Variants in SERGEF observed in about 807,000 individuals in gnomAD.
SERGEF encodes the protein secretion regulating guanine nucleotide exchange factor.
A neutral mutation model predicts 50.0 loss-of-function variants in SERGEF; 51 were observed. That is an observed-to-expected ratio of 1.02 (90% confidence interval 0.81 to 1.29). The LOEUF (loss-of-function observed/expected upper bound fraction) is 1.29. SERGEF is among the 50% of genes most tolerant of loss of function. SERGEF has a pLI of 0.00. For missense variants in SERGEF, 521 were observed against 557.0 expected (o/e 0.94, Z 0.65); for synonymous variants, 205 against 212.4 (o/e 0.97, Z 0.30).
intron 6 of SERGEF, among the ~76,000 whole-genome samples, chr11:17,995,100 A>G (rs182896791): frequency 2.0e-5 from 3 of 152,156 alleles, no homozygotes; most frequent in Non-Finnish European, 4.4e-5. Context: ...GAGAGAGAGA[A>G]AGAAAGAGAG....
chr11:17,940,736 GCTTGATGAT>G (rs1448160387), intron 9 of SERGEF, among the ~76,000 whole-genome samples: 12 of 152,084 alleles, frequency 7.9e-5, no homozygotes. Flanking sequence ...ACCATGACCG[GCTTGATGAT>G]CAGTCTTACG....
chr11:17,790,516 T>C (rs1249850994), intron 10 of SERGEF, among the ~76,000 whole-genome samples: 1 of 152,206 alleles, frequency 6.6e-6, no homozygotes, highest in Non-Finnish European at 1.5e-5. Context: ...TTTAATAATA[T>C]CATTGTTGCT....
chr11:17,832,300 C>G (rs532179549), intron 10 of SERGEF, among the ~76,000 whole-genome samples: 1 of 152,302 alleles, frequency 6.6e-6, no homozygotes, highest in South Asian at 2.1e-4. Context: ...GAGGCATTCC[C>G]CTGCACAAGC....
chr11:17,923,368 G>A (rs923111758), intron 9 of SERGEF, among the ~76,000 whole-genome samples: 2 of 152,200 alleles, frequency 1.3e-5, no homozygotes, highest in Non-Finnish European at 2.9e-5. Context: ...GTGCCAGAGG[G>A]CCCAATCCTG....
chr11:17,931,336 T>C (rs115668332), intron 9 of SERGEF, among the ~76,000 whole-genome samples: 253 of 152,284 alleles, frequency 1.7e-3, no homozygotes, highest in African/African-American at 5.8e-3. Context: ...TAATGCCTAC[T>C]TCACAAACAT....
chr11:17,827,372 A>G (rs1218273136), intron 10 of SERGEF, among the ~76,000 whole-genome samples: 1 of 152,204 alleles, frequency 6.6e-6, no homozygotes, highest in Non-Finnish European at 1.5e-5. Context: ...AGCTCCAAAT[A>G]CAGAAAGAGC....
chr11:17,902,289 G>A (rs990336189), intron 9 of SERGEF, among the ~76,000 whole-genome samples: 4 of 152,142 alleles, frequency 2.6e-5, no homozygotes, highest in African/African-American at 9.7e-5. Context: ...TTCAAAAGTT[G>A]GGAGTCTATC....
chr11:17,894,970 T>C (rs1484443138), intron 9 of SERGEF, among the ~76,000 whole-genome samples: 1 of 152,206 alleles, frequency 6.6e-6, no homozygotes, highest in Non-Finnish European at 1.5e-5. Flanking sequence ...AGTGGGCCTG[T>C]AGTGTATGGG....
intron 9 of SERGEF, among the ~76,000 whole-genome samples, chr11:17,933,358 T>C (rs10832867): frequency 0.19 from 28,994 of 152,108 alleles, 3,558 homozygotes; most frequent in Non-Finnish European, 0.27. Context: ...TCTGTATTGA[T>C]TGATTAATGT....
Position 18,006,597 on chromosome 11 carries a change from G to A in SERGEF, c.346C>T (p.Leu116Phe), listed in dbSNP as rs754286400. 4 of 1,613,894 alleles carry A rather than the reference G, an allele frequency of 2.5e-6. No individual in the cohort carries two copies. The highest frequency in any genetic ancestry group is 1.1e-5 in the South Asian group (1 of 91,042). The change falls in exon 3 of 11, where the codon CTC becomes TTC. Residue 116 changes from leucine (L) to phenylalanine (F), a missense_variant. Coordinates refer to ENST00000265965, the MANE Select transcript of SERGEF (RefSeq NM_012139.4). ...VACGWDFTIM[L>F]TENGQVLSCG... ...TACCTAGGAGTGAACTCACCTGTGAGCATAATCGTAAAATCCCAGCCACAG... is the reference window on the plus strand; with the variant it reads ...TACCTAGGAGTGAACTCACCTGTGAACATAATCGTAAAATCCCAGCCACAG...
chr11:17,891,598 A>G (rs574597441), intron 9 of SERGEF, among the ~76,000 whole-genome samples: 10 of 152,356 alleles, frequency 6.6e-5, no homozygotes, highest in Admixed American at 2.0e-4. Flanking sequence ...ATTTGTAGGG[A>G]CGTGGTAGGT....
chr11:17,872,587 T>C (rs767145055), intron 10 of SERGEF, among the ~76,000 whole-genome samples: 4 of 152,196 alleles, frequency 2.6e-5, no homozygotes, highest in South Asian at 2.1e-4. Context: ...TTGAAGTACA[T>C]TGCAAAATTA....
chr11:17,815,667 T>C (rs1304921615), intron 10 of SERGEF, among the ~76,000 whole-genome samples: 2 of 151,510 alleles, frequency 1.3e-5, no homozygotes, highest in Non-Finnish European at 2.9e-5. Context: ...CTCACACCTG[T>C]AATCCCAGCA....
chr11:17,796,970 G>T (rs997853466), intron 10 of SERGEF, among the ~76,000 whole-genome samples: 1 of 152,190 alleles, frequency 6.6e-6, no homozygotes, highest in African/African-American at 2.4e-5. Flanking sequence ...GGGGGTGAGG[G>T]TTGGAGGCAA....
intron 9 of SERGEF, among the ~76,000 whole-genome samples, chr11:17,939,803 G>A (rs2133954781): frequency 6.6e-6 from 1 of 152,292 alleles, no homozygotes; most frequent in African/African-American, 2.4e-5. Context: ...TGTCCAACTG[G>A]CAGCAGATGG....
At chr11:17,998,498 AGTGTGTGT>A (rs1305307472) in intron 5 of SERGEF, among the ~76,000 whole-genome samples, 4 of 84,384 alleles carry the variant, frequency 4.7e-5, no homozygotes, top group Non-Finnish European at 8.9e-5. Context: ...TGCATGTGTG[AGTGTGTGT>A]GTTATATATA....
chr11:17,950,441 T>C (rs927372031), intron 9 of SERGEF, among the ~76,000 whole-genome samples: 9 of 152,336 alleles, frequency 5.9e-5, no homozygotes, highest in Middle Eastern at 3.4e-3. Flanking sequence ...TGGGAATAAA[T>C]GTTTTCTGTA....
rs1851390830 is a variant in SERGEF, at chr11:17,884,315, C to T, written c.1012-6071G>A. ...ACTGCGAGCCCTTGGCGGGCACAGCCGCCAGGGTGGGAGAAGCGTACCAGA... is the reference window on the plus strand; with the variant it reads ...ACTGCGAGCCCTTGGCGGGCACAGCTGCCAGGGTGGGAGAAGCGTACCAGA... On this transcript the variant is annotated intron_variant, in intron 9 of 10. Transcript: ENST00000265965. This position sits in a 1 kb window ranked among gnomAD's most constrained non-coding sequence, Gnocchi z 4.6. Among the ~76,000 whole-genome samples, 1 of 152,178 alleles carries T rather than the reference C, an allele frequency of 6.6e-6. No homozygotes were observed. The highest frequency in any genetic ancestry group is 1.5e-5 in the Non-Finnish European group (1 of 68,036).
rs549074930 is a variant in SERGEF, at chr11:17,983,737, T to C, written c.844+4860A>G. ...CACAAAAGAGAGGTTTACGGTGCTA[T>C]GAGAACAGAAAAAAAAAAAAGGAGA... On this transcript the variant is annotated intron_variant, in intron 8 of 10. Coordinates refer to ENST00000265965, the MANE Select transcript of SERGEF (RefSeq NM_012139.4). 8.5e-3 allele frequency among the ~76,000 whole-genome samples: 700 copies of C among 82,346 alleles called. 8 individuals carry two copies. The highest frequency in any genetic ancestry group is 0.027 in the African/African-American group (648 of 24,050). 54.0% of individuals were successfully genotyped at this position (82,346 alleles called of 152,430 possible).
Sources: gnomAD v4.1 joint callset for allele counts (sites outside exome capture counted in the v4.1 genomes callset) on GRCh38, gnomAD v4.1.1 for gene constraint, Gnocchi (gnomAD v3.1) non-coding constraint, MANE v1.5 for transcripts, NCBI Gene and HGNC (gene_info 2026-07-23, HGNC 2026-07-21) for gene names.